The following TSPAN15 variants were observed in gnomAD, a reference collection of about 807,000 sequenced individuals.
The protein encoded by TSPAN15 is tetraspanin-15.
TSPAN15 carries 20 observed loss-of-function variants against 34.5 expected under a neutral mutation model. The observed-to-expected ratio is 0.58, with a 90% CI of 0.41 to 0.84. The LOEUF is 0.84. Ranked by LOEUF, TSPAN15 falls within the 40% of genes least tolerant of loss-of-function variation. The probability of loss-of-function intolerance (pLI) is 0.00; values close to 1 mark genes in which losing one functional copy is unlikely to be tolerated. For synonymous variants in TSPAN15, 155 were observed against 153.9 expected (o/e 1.01, Z -0.05); for missense variants, 313 against 386.1 (o/e 0.81, Z 1.59).
At position 69,469,353 on chromosome 10, in the gene TSPAN15, C is replaced by T. The variant is rs147500240; in HGVS notation, c.97-14338C>T. Among the ~76,000 whole-genome samples, 1,376 of 152,296 alleles carry T rather than the reference C, an allele frequency of 9.0e-3. 22 individuals are homozygous for T. The highest frequency in any genetic ancestry group is 0.031 in the African/African-American group (1,304 of 41,552). ...AACCCTGAGTTCTGTGAGCCATTCG[C>T]GCAAATTATCAAACTTGGAGAAGGG... On this transcript the variant is annotated intron_variant, in intron 1 of 7. Transcript: ENST00000373290.
chr10:69,455,209 C>G (rs981273788), intron 1 of TSPAN15, among the ~76,000 whole-genome samples: 8 of 152,180 alleles, frequency 5.3e-5, no homozygotes, highest in Middle Eastern at 3.4e-3. Context: ...CCTCCTACCC[C>G]TCTCTCCTGG....
the TSPAN15 span, among the ~76,000 whole-genome samples, chr10:69,547,242 A>G: frequency 1.3e-5 from 2 of 151,924 alleles, no homozygotes; most frequent in Non-Finnish European, 2.9e-5. Flanking sequence ...CAAAACTCCT[A>G]TCACTTGCTC....
the TSPAN15 span, among the ~76,000 whole-genome samples, chr10:69,549,399 C>T: frequency 6.6e-6 from 1 of 152,110 alleles, no homozygotes; most frequent in East Asian, 1.9e-4. Flanking sequence ...GTATATAAAC[C>T]CTGGGTCTGG....
chr10:69,541,435 C>G, the TSPAN15 span, among the ~76,000 whole-genome samples: 1 of 152,130 alleles, frequency 6.6e-6, no homozygotes, highest in African/African-American at 2.4e-5. Flanking sequence ...AGAAATTGGC[C>G]AAAACAAAGG....
Position 69,506,762 on chromosome 10 carries a change from C to A in TSPAN15, c.736-67C>A, listed in dbSNP as rs557494217. 3 of 1,502,252 alleles carry A rather than the reference C, an allele frequency of 2.0e-6. No homozygotes were observed. Among genetic ancestry groups the A allele is most frequent in the Non-Finnish European group, 2.7e-6 (3 of 1,107,048 alleles). 93.1% of individuals were successfully genotyped at this position (1,502,252 alleles called of 1,614,324 possible). ...ACTGGCTGCTTGGGTTTCTGGGAGCCGGGAGCTGCAGGGAGGGCTGCCCTG... is the reference window on the plus strand; with the variant it reads ...ACTGGCTGCTTGGGTTTCTGGGAGCAGGGAGCTGCAGGGAGGGCTGCCCTG... On this transcript the variant is annotated intron_variant, in intron 7 of 7. Transcript: ENST00000373290. This position sits in a 1 kb window ranked among gnomAD's most constrained non-coding sequence, Gnocchi z 4.7.
chr10:69,506,756 G>A lies in TSPAN15; in HGVS notation c.736-73G>A, dbSNP rs1842334791. ...CTTGGGACTGGCTGCTTGGGTTTCT[G>A]GGAGCCGGGAGCTGCAGGGAGGGCT... On this transcript the variant is annotated intron_variant, in intron 7 of 7. Coordinates refer to ENST00000373290, the MANE Select transcript of TSPAN15 (RefSeq NM_012339.5). This position sits in a 1 kb window ranked among gnomAD's most constrained non-coding sequence, Gnocchi z 4.7. The A allele has an allele frequency of 1.3e-6, 2 of 1,486,372 alleles. No homozygotes were observed. The highest frequency in any genetic ancestry group is 2.5e-5 in the East Asian group (1 of 40,616). 92.1% of individuals were successfully genotyped at this position (1,486,372 alleles called of 1,614,324 possible).
chr10:69,455,631 C>CT (rs1554830596), intron 1 of TSPAN15, among the ~76,000 whole-genome samples: 1 of 111,434 alleles, frequency 9.0e-6, no homozygotes, highest in Non-Finnish European at 2.0e-5. Context: ...TCTCTCCCCC[C>CT]CCCGTCTCTT....
intron 1 of TSPAN15, among the ~76,000 whole-genome samples, chr10:69,468,947 G>A (rs763264297): frequency 3.3e-5 from 5 of 150,272 alleles, no homozygotes; most frequent in Non-Finnish European, 7.4e-5. Flanking sequence ...TAATGAGCCC[G>A]TTTAGTCACA....
chr10:69,511,333 A>AT (rs1274135301), downstream of TSPAN15, among the ~76,000 whole-genome samples: 2 of 152,072 alleles, frequency 1.3e-5, no homozygotes, highest in Non-Finnish European at 2.9e-5. Context: ...GAATTTATCC[A>AT]TTTCTTCTAG....
intron 4 of TSPAN15, 83 bp downstream of exon 4, chr10:69,495,772 AG>A: frequency 1.0e-6 from 1 of 983,170 alleles, no homozygotes. Flanking sequence ...AGATGGGGTG[AG>A]GGACCAGGTG....
intron 1 of TSPAN15, among the ~76,000 whole-genome samples, chr10:69,452,551 T>C (rs1840996635): frequency 6.6e-6 from 1 of 152,128 alleles, no homozygotes; most frequent in Non-Finnish European, 1.5e-5. Flanking sequence ...TCGCGGAGAT[T>C]ACGTGAAATA....
chr10:69,518,518 G>A, the TSPAN15 span, among the ~76,000 whole-genome samples: 2 of 152,188 alleles, frequency 1.3e-5, no homozygotes, highest in Non-Finnish European at 2.9e-5. Flanking sequence ...CCACCTCGTG[G>A]GTTCAAGCGA....
intron 5 of TSPAN15, among the ~76,000 whole-genome samples, chr10:69,504,233 C>T (rs1328749524): frequency 8.0e-6 from 1 of 124,948 alleles, no homozygotes; most frequent in African/African-American, 3.3e-5. Flanking sequence ...TGCATTCCTA[C>T]AGTTTTTTCA....
chr10:69,524,002 AT>A, the TSPAN15 span, among the ~76,000 whole-genome samples: 1 of 148,334 alleles, frequency 6.7e-6, no homozygotes, highest in African/African-American at 2.5e-5. Flanking sequence ...ACAACTAGAT[AT>A]ATATTGATAA....
chr10:69,488,143 C>T (rs1271108797), intron 3 of TSPAN15, among the ~76,000 whole-genome samples: 1 of 152,164 alleles, frequency 6.6e-6, no homozygotes, highest in African/African-American at 2.4e-5. Context: ...GATTTTTCTC[C>T]TCCCCTTTAT....
At position 69,451,513 on chromosome 10, in the gene TSPAN15, G is replaced by A. The variant is rs890503943; in HGVS notation, c.-82G>A. On this transcript the variant is annotated 5_prime_UTR_variant, in exon 1 of 8. Transcript: ENST00000373290. The stretch of plus-strand genomic sequence containing the variant: ...TGGCGGGGCTGGTAGCCCGGCAGCC[G>A]CAGGTGGGGCCACGAGCGCTGGCTG... 73 of 1,277,364 alleles carry A rather than the reference G, an allele frequency of 5.7e-5. No homozygotes were observed. Among genetic ancestry groups the A allele is most frequent in the Non-Finnish European group, 6.9e-5 (70 of 1,010,046 alleles). The allele number at this position is 1,277,364 out of a possible 1,614,324, so 79.1% of individuals were successfully genotyped here.
chr10:69,454,571 C>T lies in TSPAN15; in HGVS notation c.96+2881C>T, dbSNP rs148984083. The stretch of plus-strand genomic sequence containing the variant: ...GTGGCTCATGCCTGTAATCCTAGCA[C>T]TTTGGAAGGCCAAGATGGGCAGATT... On this transcript the variant is annotated intron_variant, in intron 1 of 7. Coordinates refer to ENST00000373290, the MANE Select transcript of TSPAN15 (RefSeq NM_012339.5). 2.0e-3 allele frequency among the ~76,000 whole-genome samples: 299 copies of T among 151,986 alleles called. 2 individuals are homozygous for T. Among genetic ancestry groups the T allele is most frequent in the African/African-American group, 6.6e-3 (275 of 41,456 alleles).
the TSPAN15 span, among the ~76,000 whole-genome samples, chr10:69,518,024 A>C: frequency 6.6e-6 from 1 of 152,158 alleles, no homozygotes. Context: ...CTCAGAGTAC[A>C]CCCTTCCTCA....
chr10:69,526,520 A>G, the TSPAN15 span, among the ~76,000 whole-genome samples: 1 of 148,528 alleles, frequency 6.7e-6, no homozygotes, highest in African/African-American at 2.4e-5. Flanking sequence ...ATAGCTGGGC[A>G]CTATGGCTCA....
Sources: gnomAD v4.1 joint callset for allele counts (sites outside exome capture counted in the v4.1 genomes callset) on GRCh38, gnomAD v4.1.1 for gene constraint, Gnocchi (gnomAD v3.1) non-coding constraint, MANE v1.5 for transcripts, NCBI Gene and HGNC (gene_info 2026-07-23, HGNC 2026-07-21) for gene names.